EDIL3: variants seen among roughly 807,000 people sequenced by gnomAD.
EDIL3 encodes EGF-like repeat and discoidin I-like domain-containing protein 3.
In EDIL3, 37 loss-of-function variants were observed where a neutral mutation model predicts 67.4. That is an observed-to-expected ratio of 0.55 (90% CI 0.42 to 0.72). EDIL3 has a LOEUF of 0.72. Ranked by LOEUF, EDIL3 falls within the 30% of genes least tolerant of loss-of-function variation. The pLI is 0.00. For missense variants in EDIL3, 527 were observed against 586.3 expected, an observed-to-expected ratio of 0.90 and a Z score of 1.04; for synonymous variants, 195 against 196.3, an observed-to-expected ratio of 0.99 and a Z score of 0.05.
At chr5:84,073,668 C>G (rs1746789575) in intron 6 of EDIL3, among the ~76,000 whole-genome samples, 1 of 151,390 alleles carries the variant, frequency 6.6e-6, no homozygotes, top group Admixed American at 6.6e-5. Context: ...TCAAGGAGAA[C>G]TACAAACCAC....
At chr5:84,053,363 T>C (rs1328473689) in intron 9 of EDIL3, among the ~76,000 whole-genome samples, 1 of 151,988 alleles carries the variant, frequency 6.6e-6, no homozygotes, top group Non-Finnish European at 1.5e-5. Context: ...GCAGGAAAGA[T>C]CTAAAATTGA....
chr5:84,187,389 A>C (rs2112363964), intron 3 of EDIL3, among the ~76,000 whole-genome samples: 1 of 152,222 alleles, frequency 6.6e-6, no homozygotes. Flanking sequence ...ATCATGAATA[A>C]CTTATAGTAC....
intron 3 of EDIL3, among the ~76,000 whole-genome samples, chr5:84,190,436 A>G (rs1743555458): frequency 6.6e-6 from 1 of 151,854 alleles, no homozygotes; most frequent in South Asian, 2.1e-4. Flanking sequence ...GTCCTAAGAT[A>G]TCACCCAGGT....
At chr5:84,240,962 C>T (rs1428439845) in intron 2 of EDIL3, among the ~76,000 whole-genome samples, 1 of 152,130 alleles carries the variant, frequency 6.6e-6, no homozygotes, top group Non-Finnish European at 1.5e-5. Flanking sequence ...TCTATATTTG[C>T]TTAAAATGTT....
At chr5:84,292,700 G>C (rs952685510) in intron 1 of EDIL3, among the ~76,000 whole-genome samples, 1 of 151,974 alleles carries the variant, frequency 6.6e-6, no homozygotes, top group Non-Finnish European at 1.5e-5. Context: ...CACAGACTAA[G>C]GAATTTATCA....
chr5:84,206,557 T>A (rs1022308889), intron 3 of EDIL3, among the ~76,000 whole-genome samples: 2 of 152,134 alleles, frequency 1.3e-5, no homozygotes, highest in Non-Finnish European at 2.9e-5. Flanking sequence ...GAGGCCAGCA[T>A]CATCCTGATA....
chr5:84,024,957 A>G (rs572492043), intron 9 of EDIL3, among the ~76,000 whole-genome samples: 5 of 152,224 alleles, frequency 3.3e-5, no homozygotes, highest in Admixed American at 2.0e-4. Flanking sequence ...ATTTACCTAA[A>G]GAAGAGCTAT....
chr5:84,284,428 C>T (rs1200343150), intron 1 of EDIL3, among the ~76,000 whole-genome samples: 1 of 152,032 alleles, frequency 6.6e-6, no homozygotes, highest in Non-Finnish European at 1.5e-5. Flanking sequence ...TACTGGTCCC[C>T]TGTGCCTCCA....
At position 84,342,063 on chromosome 5, in the gene EDIL3, G is replaced by A. The variant is rs192402204; in HGVS notation, c.67+42245C>T. Among the ~76,000 whole-genome samples the A allele has an allele frequency of 3.5e-3, 530 of 152,098 alleles. 4 individuals carry two copies. Among genetic ancestry groups the A allele is most frequent in the Non-Finnish European group, 6.0e-3 (405 of 67,980 alleles). On this transcript the variant is annotated intron_variant, in intron 1 of 10. Coordinates refer to ENST00000296591, the MANE Select transcript of EDIL3 (RefSeq NM_005711.5). ...TTTAAAAAGACACCTACATTTGGATGTTTATCACACGATTCACAACAACAA... is the reference window on the plus strand; with the variant it reads ...TTTAAAAAGACACCTACATTTGGATATTTATCACACGATTCACAACAACAA...
intron 9 of EDIL3, among the ~76,000 whole-genome samples, chr5:83,973,629 A>C (rs1240267345): frequency 6.6e-6 from 1 of 152,028 alleles, no homozygotes; most frequent in Non-Finnish European, 1.5e-5. Flanking sequence ...ATCTGAATAT[A>C]TCTTTGACAA....
At chr5:84,090,699 G>C (rs112900998) in intron 6 of EDIL3, among the ~76,000 whole-genome samples, 1 of 152,064 alleles carries the variant, frequency 6.6e-6, no homozygotes, top group African/African-American at 2.4e-5. Flanking sequence ...TGTTATCCCA[G>C]CACTTTGGGA....
intron 10 of EDIL3, among the ~76,000 whole-genome samples, chr5:83,945,092 C>T (rs1744289100): frequency 6.6e-6 from 1 of 152,006 alleles, no homozygotes; most frequent in South Asian, 2.1e-4. Context: ...GAGCAATAGA[C>T]AAGACTGAAA....
chr5:84,225,188 T>C (rs992602674), intron 3 of EDIL3, among the ~76,000 whole-genome samples: 11 of 151,724 alleles, frequency 7.3e-5, no homozygotes, highest in African/African-American at 2.6e-4. Flanking sequence ...GAACTGAAAG[T>C]GATTAACAAG....
chr5:83,950,097 A>G (rs1561382892), intron 10 of EDIL3, among the ~76,000 whole-genome samples: 4 of 151,836 alleles, frequency 2.6e-5, no homozygotes. Context: ...CATTGCTGAG[A>G]GAACTTACTA....
At chr5:84,301,293 A>G (rs1396686174) in intron 1 of EDIL3, among the ~76,000 whole-genome samples, 1 of 149,710 alleles carries the variant, frequency 6.7e-6, no homozygotes, top group Non-Finnish European at 1.5e-5. Context: ...AAAAAAAAAG[A>G]AAGAAATGTA....
rs6859869 is a variant in EDIL3 at position 84,211,566 on chromosome 5, A to T, written c.226+18289T>A. ...AAATCCCATAACAAGTGTCCTTCTA[A>T]GAAACAGGAGAAAAGACACAGACAA... On this transcript the variant is annotated intron_variant, in intron 3 of 10. Coordinates refer to ENST00000296591, the MANE Select transcript of EDIL3 (RefSeq NM_005711.5). Among the ~76,000 whole-genome samples, 764 of 152,286 alleles carry T rather than the reference A, an allele frequency of 5.0e-3. 11 individuals carry two copies. Among genetic ancestry groups the T allele is most frequent in the African/African-American group, 0.018 (732 of 41,556 alleles).
At chr5:84,223,227 G>A (rs1411402921) in intron 3 of EDIL3, among the ~76,000 whole-genome samples, 2 of 151,700 alleles carry the variant, frequency 1.3e-5, no homozygotes, top group Non-Finnish European at 3.0e-5. Context: ...ATGGAAAATA[G>A]TATGGAAGTT....
At chr5:84,374,233 AT>A (rs1210177209) in intron 1 of EDIL3, among the ~76,000 whole-genome samples, 1 of 151,922 alleles carries the variant, frequency 6.6e-6, no homozygotes, top group Admixed American at 6.6e-5. Flanking sequence ...AAGCACAACT[AT>A]AATTACCTCA....
intron 3 of EDIL3, among the ~76,000 whole-genome samples, chr5:84,201,389 C>T (rs896824598): frequency 1.3e-5 from 2 of 151,956 alleles, no homozygotes; most frequent in African/African-American, 4.8e-5. Context: ...AGTATAGCTC[C>T]ATGGAAAATG....
Sources: allele counts gnomAD v4.1 joint callset (sites outside exome capture counted in the v4.1 genomes callset), GRCh38; gene constraint gnomAD v4.1.1; transcripts MANE v1.5; gene names NCBI Gene and HGNC (gene_info 2026-07-23, HGNC 2026-07-21).